ITPK1: variants seen among roughly 807,000 people sequenced by gnomAD.
ITPK1 encodes the protein inositol-tetrakisphosphate 1-kinase.
A neutral mutation model predicts 45.3 loss-of-function variants in ITPK1; 21 were observed. The observed-to-expected ratio is 0.46, with a 90% CI of 0.33 to 0.67. ITPK1 has a LOEUF of 0.67. Ranked by LOEUF, ITPK1 falls within the 30% of genes least tolerant of loss-of-function variation. The pLI, the probability that ITPK1 is intolerant of heterozygous loss-of-function variation, is 0.02. For synonymous variants in ITPK1, 258 were observed against 253.6 expected, an observed-to-expected ratio of 1.02 and a Z score of -0.16; for missense variants, 474 against 573.5, an observed-to-expected ratio of 0.83 and a Z score of 1.77.
At chr14:92,955,420 C>T (rs373461735) in intron 8 of ITPK1, among the ~76,000 whole-genome samples, 4 of 152,262 alleles carry the variant, frequency 2.6e-5, no homozygotes, top group East Asian at 1.9e-4. Context: ...GCCTGCGCTG[C>T]GTCCTCAGGG....
chr14:92,983,224 C>A (rs1368785186), intron 5 of ITPK1, among the ~76,000 whole-genome samples: 1 of 152,208 alleles, frequency 6.6e-6, no homozygotes, highest in African/African-American at 2.4e-5. Flanking sequence ...GACTCTGTGG[C>A]AGCTGCTCCC....
chr14:93,061,762 T>C (rs1890534088), intron 3 of ITPK1, among the ~76,000 whole-genome samples: 1 of 152,092 alleles, frequency 6.6e-6, no homozygotes, highest in Non-Finnish European at 1.5e-5. Flanking sequence ...CCAAACAGTA[T>C]CAAAAGTGGA....
intron 3 of ITPK1, among the ~76,000 whole-genome samples, chr14:93,074,195 T>C (rs1891127601): frequency 6.6e-6 from 1 of 152,204 alleles, no homozygotes; most frequent in Non-Finnish European, 1.5e-5. Context: ...TTTTAGATGC[T>C]GAAGTGTAAA....
intron 3 of ITPK1, among the ~76,000 whole-genome samples, chr14:93,055,376 G>C (rs1890179364): frequency 6.6e-6 from 1 of 152,100 alleles, no homozygotes; most frequent in African/African-American, 2.4e-5. Context: ...CTTTAACCAA[G>C]CCATGTTCCC....
At chr14:92,994,601 T>G (rs1349280363) in intron 4 of ITPK1, among the ~76,000 whole-genome samples, 2 of 152,204 alleles carry the variant, frequency 1.3e-5, no homozygotes, top group Non-Finnish European at 2.9e-5. Flanking sequence ...GGGAAGACAC[T>G]GCTGTCCAGA....
chr14:93,039,489 T>A (rs1889469241), intron 3 of ITPK1, among the ~76,000 whole-genome samples: 1 of 152,142 alleles, frequency 6.6e-6, no homozygotes, highest in African/African-American at 2.4e-5. Context: ...CAAAAAAAAA[T>A]TAAAAACAGA....
chr14:93,079,826 CAGG>C (rs1891368555), intron 2 of ITPK1, among the ~76,000 whole-genome samples: 3 of 152,192 alleles, frequency 2.0e-5, no homozygotes, highest in African/African-American at 7.2e-5. Flanking sequence ...ACATGGGAGA[CAGG>C]AGGAGGGAAC....
intron 3 of ITPK1, among the ~76,000 whole-genome samples, chr14:93,044,212 G>A (rs1889684836): frequency 6.6e-6 from 1 of 152,172 alleles, no homozygotes; most frequent in African/African-American, 2.4e-5. Context: ...GAGAATGGTG[G>A]GGCCTAAGGG....
At chr14:93,021,592 C>CA (rs553457298) in intron 3 of ITPK1, among the ~76,000 whole-genome samples, 215 of 140,156 alleles carry the variant, frequency 1.5e-3, no homozygotes, top group East Asian at 6.5e-3. Flanking sequence ...GACCCTGTCT[C>CA]AAAAAAAAAA....
Position 92,937,059 on chromosome 14 carries a change from A to G in ITPK1, c.*4502T>C, listed in dbSNP as rs1257210741. ...ACAAGACTAGTTAGCAAATACAGAG[A>G]TCATAGCGACACCTTGTCCCTGAAA... On this transcript the variant is annotated 3_prime_UTR_variant, in exon 11 of 11. Transcript: ENST00000267615. 2.0e-5 allele frequency: 3 copies of G among 152,252 alleles called. No individual in the cohort carries two copies. The highest frequency in any genetic ancestry group is 4.4e-5 in the Non-Finnish European group (3 of 68,060). The allele number at this position is 152,252 out of a possible 1,614,324, so 9.4% of individuals were successfully genotyped here.
chr14:92,981,078 C>T (rs769509386), intron 5 of ITPK1, among the ~76,000 whole-genome samples: 3 of 152,216 alleles, frequency 2.0e-5, no homozygotes, highest in Non-Finnish European at 2.9e-5. Context: ...CACTGTCCTG[C>T]CCTGTGGAGC....
intron 5 of ITPK1, among the ~76,000 whole-genome samples, chr14:92,980,808 A>C: frequency 6.6e-6 from 1 of 152,218 alleles, no homozygotes; most frequent in African/African-American, 2.4e-5. Flanking sequence ...CCCAAGTTCA[A>C]GCAATTCTCC....
At chr14:93,061,770 G>A (rs1013262930) in intron 3 of ITPK1, among the ~76,000 whole-genome samples, 6 of 152,126 alleles carry the variant, frequency 3.9e-5, no homozygotes, top group African/African-American at 1.4e-4. Context: ...TATCAAAAGT[G>A]GATGTTTATC....
rs1887176450 is a variant in ITPK1, at chr14:92,937,428, TC to T, written c.*4132del. 6.6e-6 allele frequency: 1 copy of T among 151,742 alleles called. No individual in the cohort carries two copies. The highest frequency in any genetic ancestry group is 2.1e-4 in the South Asian group (1 of 4,816). 9.4% of individuals were successfully genotyped at this position (151,742 alleles called of 1,614,324 possible). A position where few individuals can be genotyped will look rare whatever the true frequency, so the allele number is the denominator to read the frequency against. On this transcript the variant is annotated 3_prime_UTR_variant, in exon 11 of 11. Transcript: ENST00000267615. ...TCGGCCAGGCTGCAGGAGGGGACAG[TC>T]CCTCCACACCACCAGGTCACAGATG...
chr14:93,081,116 C>T (rs1482994289), intron 2 of ITPK1, among the ~76,000 whole-genome samples: 1 of 151,628 alleles, frequency 6.6e-6, no homozygotes, highest in Non-Finnish European at 1.5e-5. Flanking sequence ...TCCCAAATCA[C>T]CTGAGGTCAG....
At chr14:93,090,566 A>G (rs559105196) in intron 2 of ITPK1, among the ~76,000 whole-genome samples, 1 of 152,166 alleles carries the variant, frequency 6.6e-6, no homozygotes, top group Non-Finnish European at 1.5e-5. Flanking sequence ...TGTCAGGATC[A>G]GAGCTCAAGA....
intron 2 of ITPK1, among the ~76,000 whole-genome samples, chr14:93,078,682 C>A (rs1006433478): frequency 6.6e-6 from 1 of 152,156 alleles, no homozygotes; most frequent in Non-Finnish European, 1.5e-5. Flanking sequence ...CAGATAGCAT[C>A]ATGAGGAACC....
intron 3 of ITPK1, among the ~76,000 whole-genome samples, chr14:93,074,562 G>A (rs1891141088): frequency 6.6e-6 from 1 of 152,146 alleles, no homozygotes; most frequent in Non-Finnish European, 1.5e-5. Context: ...GCTGGGGAGC[G>A]CCTGAACTCA....
chr14:92,991,856 TG>T (rs536884989), intron 5 of ITPK1, among the ~76,000 whole-genome samples: 18 of 152,322 alleles, frequency 1.2e-4, no homozygotes, highest in African/African-American at 4.3e-4. Flanking sequence ...GCCATCGTGG[TG>T]GGAACAGCTG....
Sources: allele counts gnomAD v4.1 joint callset (sites outside exome capture counted in the v4.1 genomes callset), GRCh38; gene constraint gnomAD v4.1.1; transcripts MANE v1.5; gene names NCBI Gene and HGNC (gene_info 2026-07-23, HGNC 2026-07-21).